Variants in SCRN1 observed in about 807,000 individuals in gnomAD.
SCRN1 encodes the protein secernin 1, also known as secernin-1.
Under a neutral mutation model 43.3 loss-of-function variants are expected in SCRN1, and 19 were observed. The observed-to-expected ratio is 0.44, with a 90% CI of 0.31 to 0.64. SCRN1 has a LOEUF of 0.64. Among genes scored for constraint, SCRN1 ranks in the 30% least tolerant of loss-of-function variants. SCRN1 has a pLI of 0.09. For missense variants in SCRN1, 447 were observed against 524.1 expected (o/e 0.85, Z 1.44); for synonymous variants, 183 against 188.9 (o/e 0.97, Z 0.26).
intron 1 of SCRN1, among the ~76,000 whole-genome samples, chr7:29,984,204 CAAA>C (rs55733700): frequency 1.1e-4 from 11 of 98,256 alleles, no homozygotes; most frequent in South Asian, 3.6e-4. Context: ...AGACAGTCTC[CAAA>C]AAAAAAAAAA....
At chr7:29,951,454 C>T (rs1787918584) in intron 3 of SCRN1, among the ~76,000 whole-genome samples, 1 of 152,202 alleles carries the variant, frequency 6.6e-6, no homozygotes, top group African/African-American at 2.4e-5. Context: ...GCAAAGGTGC[C>T]ACCAGCCACA....
At chr7:29,938,374 G>A (rs1336588949) in intron 5 of SCRN1, among the ~76,000 whole-genome samples, 5 of 152,180 alleles carry the variant, frequency 3.3e-5, no homozygotes, top group East Asian at 1.9e-4. Context: ...CTGTAGTTTC[G>A]CACAGTGTAA....
intron 5 of SCRN1, among the ~76,000 whole-genome samples, chr7:29,937,492 C>T (rs74648611): frequency 0.02 from 3,103 of 152,218 alleles, 48 homozygotes; most frequent in East Asian, 0.068. Context: ...GTCTTTGTTA[C>T]AGCATTTAGC....
intron 1 of SCRN1, chr7:29,989,341 G>A (rs1349841532): frequency 1.3e-5 from 2 of 156,482 alleles, no homozygotes; most frequent in African/African-American, 4.8e-5. Context: ...GGAAACCCAG[G>A]AAGAGCAGCG....
chr7:29,979,813 T>C (rs1041583346), intron 1 of SCRN1, among the ~76,000 whole-genome samples: 3 of 152,246 alleles, frequency 2.0e-5, no homozygotes, highest in Non-Finnish European at 2.9e-5. Context: ...TTATGTAGGA[T>C]TCATTTTCAC....
chr7:29,931,220 A>G (rs1477856829), intron 6 of SCRN1, among the ~76,000 whole-genome samples: 3 of 152,252 alleles, frequency 2.0e-5, no homozygotes, highest in East Asian at 1.9e-4. Flanking sequence ...GAACAGCAAC[A>G]TTACCATGAA....
chr7:29,990,187 T>A (rs964899602), upstream of SCRN1: 4 of 1,551,570 alleles, frequency 2.6e-6, no homozygotes, highest in Admixed American at 3.9e-5. Flanking sequence ...TGTACCTTGT[T>A]GACTCGCACG....
intron 1 of SCRN1, 113 bp from the exon 2 acceptor site, chr7:29,969,181 C>G: frequency 1.6e-6 from 2 of 1,268,884 alleles, no homozygotes; most frequent in Non-Finnish European, 2.2e-6. Flanking sequence ...GAACTGTGCA[C>G]AGCTAGCTCA....
rs10479824 is a variant in SCRN1 at position 29,923,466 on chromosome 7, G to A, written c.*491C>T. The A allele has an allele frequency of 0.35, 53,951 of 156,284 alleles. 9,582 individuals are homozygous for A. Among genetic ancestry groups the A allele is most frequent in the African/African-American group, 0.41 (16,920 of 41,510 alleles). The allele number at this position is 156,284 out of a possible 1,614,324, so 9.7% of individuals were successfully genotyped here. A position where few individuals can be genotyped will look rare whatever the true frequency, so the allele number is the denominator to read the frequency against. On this transcript the variant is annotated 3_prime_UTR_variant, in exon 8 of 8. Coordinates refer to ENST00000242059, the MANE Select transcript of SCRN1 (RefSeq NM_014766.5). ...CTGTGCACTACAGGCATGCACTCACGGGAGGCCACGGAGGGTCCCCTTGAC... is the reference window on the plus strand; with the variant it reads ...CTGTGCACTACAGGCATGCACTCACAGGAGGCCACGGAGGGTCCCCTTGAC...
At chr7:29,926,890 T>C (rs976204573) in intron 6 of SCRN1, among the ~76,000 whole-genome samples, 2 of 152,144 alleles carry the variant, frequency 1.3e-5, no homozygotes, top group Non-Finnish European at 2.9e-5. Flanking sequence ...TCCTTTGTTC[T>C]GAACCATTTG....
At chr7:29,989,187 C>G (rs1412603610) in intron 1 of SCRN1, 1 of 152,122 alleles carries the variant, frequency 6.6e-6, no homozygotes, top group African/African-American at 2.4e-5. Flanking sequence ...GCGGGCGTCT[C>G]CGGGCAGCCA....
At chr7:29,959,229 T>C (rs2128095036) in intron 2 of SCRN1, among the ~76,000 whole-genome samples, 1 of 152,228 alleles carries the variant, frequency 6.6e-6, no homozygotes, top group African/African-American at 2.4e-5. Context: ...AACACAACCC[T>C]GGCACCACCA....
chr7:29,940,342 G>T (rs1004975756), intron 5 of SCRN1, among the ~76,000 whole-genome samples: 2 of 152,156 alleles, frequency 1.3e-5, no homozygotes, highest in African/African-American at 2.4e-5. Context: ...GTCCCAGCAG[G>T]CTAGCGGGGC....
chr7:29,946,058 C>T (rs954870681), intron 3 of SCRN1, among the ~76,000 whole-genome samples: 1 of 152,202 alleles, frequency 6.6e-6, no homozygotes, highest in African/African-American at 2.4e-5. Flanking sequence ...ATTATTATAA[C>T]AGGCTTATGT....
intron 3 of SCRN1, among the ~76,000 whole-genome samples, chr7:29,954,762 C>T (rs1788073181): frequency 6.6e-6 from 1 of 152,160 alleles, no homozygotes; most frequent in East Asian, 1.9e-4. Flanking sequence ...CTCACTGCAA[C>T]CTCCGTCTTC....
chr7:29,934,344 G>A (rs954564721), intron 6 of SCRN1, among the ~76,000 whole-genome samples: 1 of 152,102 alleles, frequency 6.6e-6, no homozygotes, highest in Non-Finnish European at 1.5e-5. Context: ...TTGGTGTCCT[G>A]GGCTCACAAG....
chr7:29,932,651 C>CAAAAAAA (rs1162835669), intron 6 of SCRN1, among the ~76,000 whole-genome samples: 5 of 8,050 alleles, frequency 6.2e-4, no homozygotes, highest in African/African-American at 1.7e-3. Context: ...GATTCCATCT[C>CAAAAAAA]AAAAAAAAAA....
At chr7:29,955,382 G>C in intron 2 of SCRN1, 22 bp from the exon 3 acceptor site, 1 of 1,609,974 alleles carries the variant, frequency 6.2e-7, no homozygotes, top group Non-Finnish European at 8.5e-7. Context: ...ACACAGGAAA[G>C]AAAGCGCCAT....
At chr7:29,960,731 C>A (rs1387097673) in intron 2 of SCRN1, among the ~76,000 whole-genome samples, 1 of 152,096 alleles carries the variant, frequency 6.6e-6, no homozygotes, top group Non-Finnish European at 1.5e-5. Flanking sequence ...CACACACACA[C>A]ATCCACACAC....
Sources: gnomAD v4.1 joint callset for allele counts (sites outside exome capture counted in the v4.1 genomes callset) on GRCh38, gnomAD v4.1.1 for gene constraint, MANE v1.5 for transcripts, NCBI Gene and HGNC (gene_info 2026-07-23, HGNC 2026-07-21) for gene names.